The following ASTN2 variants were observed in gnomAD, a reference collection of about 807,000 sequenced individuals.
ASTN2 encodes the protein astrotactin-2.
In ASTN2, 54 loss-of-function variants were observed where a neutral mutation model predicts 139.8. That is an observed-to-expected ratio of 0.39 (90% CI 0.31 to 0.48). ASTN2 has a LOEUF of 0.48. Ranked by LOEUF, ASTN2 falls within the 20% of genes least tolerant of loss-of-function variation. The pLI is 0.95. For synonymous variants in ASTN2, 756 were observed against 719.5 expected, an observed-to-expected ratio of 1.05 and a Z score of -0.81; for missense variants, 1,565 against 1,725.1, an observed-to-expected ratio of 0.91 and a Z score of 1.64.
rs1428310494 is a variant in ASTN2 at position 117,298,702 on chromosome 9, A to G, written c.443-7189T>C. Among the ~76,000 whole-genome samples, 12 of 136,244 alleles carry G rather than the reference A, an allele frequency of 8.8e-5. No individual in the cohort carries two copies. In the South Asian group the frequency reaches 1.0e-3, roughly 11 times the overall value. 89.4% of individuals were successfully genotyped at this position (136,244 alleles called of 152,430 possible). On this transcript the variant is annotated intron_variant, in intron 1 of 22. Transcript: ENST00000313400. Reference sequence around the variant, plus strand: ...TATATATATATATATGTGCATATGTATGTGTGTGTGTGTGTGTGTGTGTGT... The same window carrying G: ...TATATATATATATATGTGCATATGTGTGTGTGTGTGTGTGTGTGTGTGTGT...
intron 13 of ASTN2, among the ~76,000 whole-genome samples, chr9:116,757,029 C>A (rs1035686621): frequency 6.6e-6 from 1 of 152,160 alleles, no homozygotes; most frequent in African/African-American, 2.4e-5. Context: ...ACAGCTCCTG[C>A]TGAAATGGGA....
At chr9:116,616,335 T>G (rs994888733) in intron 19 of ASTN2, among the ~76,000 whole-genome samples, 1 of 151,998 alleles carries the variant, frequency 6.6e-6, no homozygotes, top group East Asian at 1.9e-4. Context: ...AAATAAACAG[T>G]AGAGAGAATG....
intron 5 of ASTN2, among the ~76,000 whole-genome samples, chr9:117,054,724 C>T (rs1839008936): frequency 6.6e-6 from 1 of 152,098 alleles, no homozygotes; most frequent in South Asian, 2.1e-4. Flanking sequence ...CAGAAGAAGC[C>T]AGAGAGATAG....
chr9:116,718,424 G>T (rs1212616072), intron 16 of ASTN2, among the ~76,000 whole-genome samples: 1 of 152,186 alleles, frequency 6.6e-6, no homozygotes, highest in Non-Finnish European at 1.5e-5. Context: ...AAGGCACCTA[G>T]AAGTTTTAAT....
intron 20 of ASTN2, among the ~76,000 whole-genome samples, chr9:116,443,141 T>C (rs1488634929): frequency 1.3e-5 from 2 of 152,204 alleles, no homozygotes; most frequent in African/African-American, 4.8e-5. Context: ...ATGGGGAGTA[T>C]GGGCTTTGGG....
chr9:117,346,449 G>A (rs1829220146), intron 1 of ASTN2, among the ~76,000 whole-genome samples: 1 of 152,052 alleles, frequency 6.6e-6, no homozygotes, highest in Non-Finnish European at 1.5e-5. Context: ...CATTTAGATA[G>A]CATTTGTCCA....
At chr9:116,601,598 T>C (rs886208356) in intron 19 of ASTN2, among the ~76,000 whole-genome samples, 6 of 151,966 alleles carry the variant, frequency 3.9e-5, no homozygotes, top group African/African-American at 1.2e-4. Context: ...CAAAGCAAAA[T>C]AGCTTGGTTA....
intron 20 of ASTN2, among the ~76,000 whole-genome samples, chr9:116,457,806 A>T (rs891317024): frequency 6.6e-6 from 1 of 152,094 alleles, no homozygotes; most frequent in Non-Finnish European, 1.5e-5. Context: ...TCCTCAAAAC[A>T]CTAAAGCTAG....
intron 3 of ASTN2, chr9:117,181,148 TG>T (rs1240556220): frequency 9.2e-6 from 7 of 761,202 alleles, no homozygotes; most frequent in Non-Finnish European, 1.6e-5. Context: ...TTGCAGCCAT[TG>T]CACAATGGGC....
intron 5 of ASTN2, among the ~76,000 whole-genome samples, chr9:117,091,213 C>G (rs1477748733): frequency 6.6e-6 from 1 of 152,206 alleles, no homozygotes; most frequent in African/African-American, 2.4e-5. Flanking sequence ...AATCAGCCTC[C>G]ATCCTGAACA....
At chr9:116,943,970 T>A (rs758927654) in intron 10 of ASTN2, among the ~76,000 whole-genome samples, 24 of 151,862 alleles carry the variant, frequency 1.6e-4, no homozygotes, top group Non-Finnish European at 3.1e-4. Context: ...GTGCACTTGT[T>A]CATTGTGAAG....
At chr9:116,718,975 C>CGTGTGTGTGT (rs1564230183) in intron 16 of ASTN2, among the ~76,000 whole-genome samples, 1 of 116,602 alleles carries the variant, frequency 8.6e-6, no homozygotes, top group African/African-American at 3.3e-5. Flanking sequence ...TGTATCTGTA[C>CGTGTGTGTGT]ATATATATAT....
At chr9:116,735,040 ATAT>A (rs1435266880) in intron 13 of ASTN2, among the ~76,000 whole-genome samples, 6 of 152,190 alleles carry the variant, frequency 3.9e-5, no homozygotes, top group Non-Finnish European at 5.9e-5. Flanking sequence ...CAAAAGATAG[ATAT>A]TATTATCTTT....
At chr9:116,757,484 A>T (rs1028122785) in intron 13 of ASTN2, among the ~76,000 whole-genome samples, 5 of 152,050 alleles carry the variant, frequency 3.3e-5, no homozygotes, top group Non-Finnish European at 7.4e-5. Flanking sequence ...GGATAGAGAG[A>T]GTTGCTTGAC....
At chr9:117,297,908 C>A (rs1376922517) in intron 1 of ASTN2, among the ~76,000 whole-genome samples, 1 of 152,170 alleles carries the variant, frequency 6.6e-6, no homozygotes, top group African/African-American at 2.4e-5. Flanking sequence ...ACTAAACGCC[C>A]AAGAATGCTT....
At chr9:116,603,078 A>G (rs1854991924) in intron 19 of ASTN2, among the ~76,000 whole-genome samples, 1 of 152,236 alleles carries the variant, frequency 6.6e-6, no homozygotes, top group Admixed American at 6.5e-5. Context: ...TGACTGTACC[A>G]TCACAGAAGA....
At chr9:116,674,143 G>T (rs189244134) in intron 16 of ASTN2, among the ~76,000 whole-genome samples, 1 of 152,308 alleles carries the variant, frequency 6.6e-6, no homozygotes, top group Non-Finnish European at 1.5e-5. Context: ...GCAGCTGGAG[G>T]TTACAAGATG....
chr9:116,755,259 T>A (rs1829504007), intron 13 of ASTN2, among the ~76,000 whole-genome samples: 1 of 152,050 alleles, frequency 6.6e-6, no homozygotes, highest in East Asian at 1.9e-4. Flanking sequence ...TTATACCCCC[T>A]CCCCTGCAAA....
chr9:116,946,242 A>G (rs1157729358), intron 10 of ASTN2, among the ~76,000 whole-genome samples: 3 of 152,142 alleles, frequency 2.0e-5, no homozygotes, highest in African/African-American at 7.2e-5. Flanking sequence ...GCCTTTTATG[A>G]ACATCCCAGT....
Sources: gnomAD v4.1 joint callset for allele counts (sites outside exome capture counted in the v4.1 genomes callset) on GRCh38, gnomAD v4.1.1 for gene constraint, MANE v1.5 for transcripts, NCBI Gene and HGNC (gene_info 2026-07-23, HGNC 2026-07-21) for gene names.